Variants in RBFOX1 observed in about 807,000 individuals in gnomAD.
RBFOX1 encodes RNA binding fox-1 homolog 1, also known as RNA binding protein fox-1 homolog 1.
Under a neutral mutation model 57.7 loss-of-function variants are expected in RBFOX1, and 8 were observed. The observed-to-expected ratio is 0.14, with a 90% CI of 0.08 to 0.25. The LOEUF (loss-of-function observed/expected upper bound fraction) is 0.25. Ranked by LOEUF, RBFOX1 falls within the 10% of genes least tolerant of loss-of-function variation. The pLI is 1.00. For synonymous variants in RBFOX1, 326 were observed against 222.4 expected, an observed-to-expected ratio of 1.47 and a Z score of -4.15; for missense variants, 611 against 548.5, an observed-to-expected ratio of 1.11 and a Z score of -1.14.
chr16:7,318,833 G>A (rs1212360811), intron 4 of RBFOX1, among the ~76,000 whole-genome samples: 2 of 152,078 alleles, frequency 1.3e-5, no homozygotes, highest in African/African-American at 2.4e-5. Context: ...GTGGTGAGCC[G>A]AAGTTCTGGC....
chr16:7,132,037 A>G (rs1161111032), intron 4 of RBFOX1, among the ~76,000 whole-genome samples: 1 of 144,498 alleles, frequency 6.9e-6, no homozygotes, highest in Non-Finnish European at 1.5e-5. Flanking sequence ...TGTTACCCAG[A>G]CTAGAGCGAA....
At chr16:6,411,934 C>G (rs1160040757) in intron 2 of RBFOX1, among the ~76,000 whole-genome samples, 2 of 152,042 alleles carry the variant, frequency 1.3e-5, no homozygotes, top group Non-Finnish European at 2.9e-5. Context: ...GAGTTTGAGA[C>G]AAGCCTGGCC....
In RBFOX1 at chr16:5,319,602, G is replaced by C. The variant is rs147518171; in HGVS notation, c.219+79497G>C. ...TCCAGGCCACGTGGACCTTGTCTTG[G>C]ATGGGTTCCCAGCCTGGTGGGGAAA... On this transcript the variant is annotated intron_variant, in intron 1 of 2. Coordinates refer to the RBFOX1 transcript ENST00000585867. Among the ~76,000 whole-genome samples, 4 of 152,298 alleles carry C rather than the reference G, an allele frequency of 2.6e-5. No individual in the cohort carries two copies. The East Asian group carries it at 7.7e-4, about 29-fold the overall frequency.
chr16:5,634,860 T>A (rs1387067601), intron 3 of RBFOX1, among the ~76,000 whole-genome samples: 1 of 152,208 alleles, frequency 6.6e-6, no homozygotes, highest in Non-Finnish European at 1.5e-5. Context: ...GGCAACATCA[T>A]AAAAAAGAGA....
intron 3 of RBFOX1, among the ~76,000 whole-genome samples, chr16:5,784,743 G>C (rs1359700331): frequency 1.3e-5 from 2 of 152,084 alleles, no homozygotes; most frequent in East Asian, 3.9e-4. Flanking sequence ...TTATGAATTG[G>C]ATTAGTGCCC....
At chr16:5,723,710 T>G (rs148921071) in intron 3 of RBFOX1, among the ~76,000 whole-genome samples, 11,842 of 151,476 alleles carry the variant, frequency 0.078, 1,463 homozygotes, top group African/African-American at 0.27. Context: ...AGTCTCAGGC[T>G]TGGGCTGGAT....
At chr16:6,761,212 A>C (rs1387173040) in intron 3 of RBFOX1, among the ~76,000 whole-genome samples, 1 of 152,180 alleles carries the variant, frequency 6.6e-6, no homozygotes, top group African/African-American at 2.4e-5. Context: ...AATGAGCAAT[A>C]AATTTGAAGC....
chr16:5,914,283 G>T lies in RBFOX1; in HGVS notation c.351+46948G>T, dbSNP rs368145199. ...CACAAAACTTGGCAACTTAAAATAA[G>T]AAATTTTTATTATCCCCAATTTTTG... On this transcript the variant is annotated intron_variant, in intron 4 of 19. Transcript: ENST00000641259. Among the ~76,000 whole-genome samples, 67 of 152,310 alleles carry T rather than the reference G, an allele frequency of 4.4e-4. No homozygotes were observed. In the East Asian group the frequency reaches 0.012, roughly 28 times the overall value.
chr16:5,241,102 T>G (rs765937133), intron 1 of RBFOX1, among the ~76,000 whole-genome samples: 3 of 152,262 alleles, frequency 2.0e-5, no homozygotes, highest in Non-Finnish European at 2.9e-5. Context: ...GCGGCCTTCA[T>G]TCTGAACCCA....
At chr16:5,252,135 G>T (rs2062468146) in intron 1 of RBFOX1, among the ~76,000 whole-genome samples, 1 of 152,190 alleles carries the variant, frequency 6.6e-6, no homozygotes, top group Non-Finnish European at 1.5e-5. Flanking sequence ...TCTGAGCCCA[G>T]ACAGAGGACA....
At chr16:6,034,046 A>T (rs1280042914) in intron 1 of RBFOX1, among the ~76,000 whole-genome samples, 1 of 152,094 alleles carries the variant, frequency 6.6e-6, no homozygotes, top group Non-Finnish European at 1.5e-5. Flanking sequence ...AAAGAATAGG[A>T]ATCGTTGGCC....
At chr16:6,686,978 T>C (rs987121755) in intron 3 of RBFOX1, among the ~76,000 whole-genome samples, 1 of 152,246 alleles carries the variant, frequency 6.6e-6, no homozygotes, top group Non-Finnish European at 1.5e-5. Context: ...ATACTCATTA[T>C]ATATAACAAA....
At chr16:5,762,506 A>G (rs1006586559) in intron 3 of RBFOX1, among the ~76,000 whole-genome samples, 4 of 152,226 alleles carry the variant, frequency 2.6e-5, no homozygotes, top group African/African-American at 4.8e-5. Flanking sequence ...GCTCGTTTCA[A>G]AAGCCTTAAA....
chr16:7,098,133 G>C (rs1475201529), intron 4 of RBFOX1, among the ~76,000 whole-genome samples: 6 of 152,140 alleles, frequency 3.9e-5, no homozygotes, highest in Non-Finnish European at 5.9e-5. Context: ...GTTAATGGAA[G>C]ATGGAGGGTA....
intron 1 of RBFOX1, among the ~76,000 whole-genome samples, chr16:6,090,726 C>G (rs2096158924): frequency 6.6e-6 from 1 of 152,190 alleles, no homozygotes; most frequent in African/African-American, 2.4e-5. Context: ...AGCTCCAGGG[C>G]CCCTTAGTGC....
rs535557992 is a variant in RBFOX1, at chr16:6,610,491, C to G, written c.-63-44112C>G. On this transcript the variant is annotated intron_variant, in intron 2 of 15. Transcript: ENST00000550418. Reference sequence around the variant, plus strand: ...CACAGGTGCATGCCACCACACTCAGCTGATTTTTTTGTACTTTTTGTAGAG... The same window carrying G: ...CACAGGTGCATGCCACCACACTCAGGTGATTTTTTTGTACTTTTTGTAGAG... Among the ~76,000 whole-genome samples, 5 of 152,162 alleles carry G rather than the reference C, an allele frequency of 3.3e-5. No individual in the cohort carries two copies. The East Asian group carries it at 7.8e-4, about 24-fold the overall frequency.
intron 4 of RBFOX1, among the ~76,000 whole-genome samples, chr16:7,251,674 C>T (rs2094504470): frequency 1.3e-5 from 2 of 152,110 alleles, no homozygotes; most frequent in South Asian, 2.1e-4. Context: ...CTCACCTCAG[C>T]CTCGCAAAGT....
intron 2 of RBFOX1, among the ~76,000 whole-genome samples, chr16:6,633,452 A>C (rs978440476): frequency 7.2e-5 from 11 of 151,924 alleles, no homozygotes; most frequent in African/African-American, 2.2e-4. Context: ...TGATTTTTGC[A>C]TTTATTATTA....
intron 2 of RBFOX1, among the ~76,000 whole-genome samples, chr16:6,387,522 A>AT (rs900951086): frequency 6.6e-6 from 1 of 152,004 alleles, no homozygotes; most frequent in African/African-American, 2.4e-5. Context: ...AAATGAAGCC[A>AT]TTAGCGTCAA....
Sources: gnomAD v4.1 joint callset for allele counts (sites outside exome capture counted in the v4.1 genomes callset) on GRCh38, gnomAD v4.1.1 for gene constraint, MANE v1.5 for transcripts, NCBI Gene and HGNC (gene_info 2026-07-23, HGNC 2026-07-21) for gene names.